The following AEBP2 variants were observed in gnomAD, a reference collection of about 807,000 sequenced individuals.
The protein encoded by AEBP2 is zinc finger protein AEBP2.
Under a neutral mutation model 50.8 loss-of-function variants are expected in AEBP2, and 10 were observed. That is an observed-to-expected ratio of 0.20 (90% CI 0.12 to 0.33). The LOEUF is 0.33. Ranked by LOEUF, AEBP2 falls within the 10% of genes least tolerant of loss-of-function variation. The pLI is 1.00. For synonymous variants in AEBP2, 296 were observed against 261.3 expected, an observed-to-expected ratio of 1.13 and a Z score of -1.28; for missense variants, 570 against 688.0, an observed-to-expected ratio of 0.83 and a Z score of 1.92.
chr12:19,501,647 A>C (rs1409972754), intron 5 of AEBP2, among the ~76,000 whole-genome samples: 2 of 122,100 alleles, frequency 1.6e-5, no homozygotes, highest in Admixed American at 1.5e-4. Context: ...GAAAAAAAAA[A>C]ATTATATATA....
intron 1 of AEBP2, chr12:19,413,380 A>G: frequency 9.6e-7 from 1 of 1,042,372 alleles, no homozygotes; most frequent in Non-Finnish European, 1.5e-6. Context: ...TTAAAAAGTA[A>G]GCCAACAAAC....
At chr12:19,430,727 C>T (rs932473690) in intron 1 of AEBP2, among the ~76,000 whole-genome samples, 1 of 152,084 alleles carries the variant, frequency 6.6e-6, no homozygotes, top group African/African-American at 2.4e-5. Context: ...GTATTTTATT[C>T]TCTTTGAAGC....
chr12:19,412,318 G>T (rs889207198), intron 1 of AEBP2, among the ~76,000 whole-genome samples: 2 of 151,272 alleles, frequency 1.3e-5, no homozygotes, highest in Admixed American at 6.6e-5. Flanking sequence ...TTGTGCTATC[G>T]CCAGGCTGGA....
intron 5 of AEBP2, chr12:19,508,813 A>C (rs1262076433): frequency 5.3e-6 from 1 of 188,148 alleles, no homozygotes; most frequent in East Asian, 1.3e-4. Flanking sequence ...TTTCCTTCTC[A>C]TTAGTATTTT....
intron 3 of AEBP2, among the ~76,000 whole-genome samples, chr12:19,485,077 C>T (rs929702274): frequency 6.6e-6 from 1 of 152,120 alleles, no homozygotes; most frequent in Admixed American, 6.5e-5. Context: ...TCATTTAAAT[C>T]ATTTACATCT....
intron 5 of AEBP2, among the ~76,000 whole-genome samples, chr12:19,502,733 C>T (rs1009641566): frequency 7.9e-5 from 12 of 151,756 alleles, no homozygotes; most frequent in Non-Finnish European, 1.5e-4. Flanking sequence ...ACTGCAACCT[C>T]TGCCTCCTGG....
In AEBP2 at chr12:19,521,626, A is replaced by G. The variant is rs554519406; in HGVS notation, c.*3509A>G. 1 of 152,258 alleles carries G rather than the reference A, an allele frequency of 6.6e-6. No individual in the cohort carries two copies. Among genetic ancestry groups the G allele is most frequent in the Admixed American group, 6.5e-5 (1 of 15,294 alleles). 9.4% of individuals were successfully genotyped at this position (152,258 alleles called of 1,614,324 possible). A position where few individuals can be genotyped will look rare whatever the true frequency, so the allele number is the denominator to read the frequency against. The stretch of plus-strand genomic sequence containing the variant: ...AGGAAATTAAAGATGGACAATAATT[A>G]TCTCTCAATATTTTAAGATTTGTTT... On this transcript the variant is annotated 3_prime_UTR_variant, in exon 8 of 8. Coordinates refer to ENST00000266508, the MANE Select transcript of AEBP2 (RefSeq NM_153207.5).
intron 1 of AEBP2, among the ~76,000 whole-genome samples, chr12:19,414,019 G>A (rs746985910): frequency 5.9e-5 from 9 of 151,736 alleles, no homozygotes; most frequent in Middle Eastern, 3.4e-3. Context: ...TTAACCTCCC[G>A]AGTAGCTGAG....
At chr12:19,493,708 T>G in intron 3 of AEBP2, 92 bp from the exon 4 acceptor site, 1 of 1,226,762 alleles carries the variant, frequency 8.2e-7, no homozygotes, top group South Asian at 1.5e-5. Context: ...ACTACTTATT[T>G]ACTTCCGAAA....
Position 19,439,592 on chromosome 12 carries a change from A to G in AEBP2, c.-108A>G. On this transcript the variant is annotated 5_prime_UTR_variant, in exon 1 of 8. Coordinates refer to ENST00000266508, the MANE Select transcript of AEBP2 (RefSeq NM_153207.5). Reference sequence around the variant, plus strand: ...CTCGCGGGCCCTCCTCCTGCTCTGCAGCGGCGTCGGCGGAGTTTTGGGCGT... The same window carrying G: ...CTCGCGGGCCCTCCTCCTGCTCTGCGGCGGCGTCGGCGGAGTTTTGGGCGT... The G allele has an allele frequency of 2.2e-6, 3 of 1,394,312 alleles. No homozygotes were observed. The South Asian group carries it at 4.2e-5, about 19-fold the overall frequency. 86.4% of individuals were successfully genotyped at this position (1,394,312 alleles called of 1,614,324 possible).
chr12:19,440,859 C>T, intron 1 of AEBP2: 1 of 1,157,098 alleles, frequency 8.6e-7, no homozygotes, highest in Non-Finnish European at 1.2e-6. Flanking sequence ...TATCACTTTT[C>T]TCTACTTAAA....
At chr12:19,422,676 T>C (rs1249534601) in intron 1 of AEBP2, among the ~76,000 whole-genome samples, 1 of 151,870 alleles carries the variant, frequency 6.6e-6, no homozygotes. Context: ...TTTGTAGAAA[T>C]CCGTTTTCAT....
intron 1 of AEBP2, among the ~76,000 whole-genome samples, chr12:19,454,265 C>CT (rs555175240): frequency 8.7e-4 from 133 of 152,270 alleles, no homozygotes; most frequent in African/African-American, 3.1e-3. Flanking sequence ...TGTTTATTGA[C>CT]TTTAATTGTT....
At chr12:19,500,053 T>C (rs34302584) in intron 4 of AEBP2, 44 bp from the exon 5 acceptor site, 1 of 1,518,676 alleles carries the variant, frequency 6.6e-7, no homozygotes, top group African/African-American at 1.4e-5. Context: ...CTTATTACTG[T>C]TATGTTTTTC....
intron 1 of AEBP2, among the ~76,000 whole-genome samples, chr12:19,412,697 G>A (rs2095739969): frequency 6.6e-6 from 1 of 152,156 alleles, no homozygotes. Context: ...GCCTCGCAAA[G>A]TGCTGGTGTT....
At chr12:19,444,268 T>C (rs1948018953) in intron 1 of AEBP2, among the ~76,000 whole-genome samples, 1 of 152,242 alleles carries the variant, frequency 6.6e-6, no homozygotes, top group Non-Finnish European at 1.5e-5. Context: ...AGTGATCAAA[T>C]GTCAGCACTT....
At chr12:19,457,463 T>G in intron 1 of AEBP2, 1 of 1,517,828 alleles carries the variant, frequency 6.6e-7, no homozygotes, top group East Asian at 2.2e-5. Context: ...CAGCTTTCAG[T>G]TTATCCAAGA....
chr12:19,428,307 C>T (rs1338096572), intron 1 of AEBP2, among the ~76,000 whole-genome samples: 1 of 152,092 alleles, frequency 6.6e-6, no homozygotes, highest in Non-Finnish European at 1.5e-5. Flanking sequence ...TTTCAGTCCA[C>T]GGGGTGGATG....
intron 4 of AEBP2, among the ~76,000 whole-genome samples, chr12:19,496,850 G>A (rs1269447154): frequency 5.9e-5 from 9 of 151,320 alleles, no homozygotes; most frequent in Admixed American, 5.9e-4. Flanking sequence ...TTTTTTGGTA[G>A]AAGTGGGGTT....
Sources: gnomAD v4.1 joint callset for allele counts (sites outside exome capture counted in the v4.1 genomes callset) on GRCh38, gnomAD v4.1.1 for gene constraint, MANE v1.5 for transcripts, NCBI Gene and HGNC (gene_info 2026-07-23, HGNC 2026-07-21) for gene names.